IGFBP2: variants seen among roughly 807,000 people sequenced by gnomAD.
IGFBP2 encodes insulin like growth factor binding protein 2, also known as insulin-like growth factor-binding protein 2.
In IGFBP2, 12 loss-of-function variants were observed where a neutral mutation model predicts 26.2. The ratio of observed to expected loss-of-function variants is 0.46; its 90% CI spans 0.29 to 0.74. The LOEUF (loss-of-function observed/expected upper bound fraction) is 0.74, where lower values mean the gene tolerates loss of function less well. IGFBP2 is among the 30% of genes least tolerant of loss of function. IGFBP2 has a pLI of 0.09. For missense variants in IGFBP2, 328 were observed against 441.2 expected, an observed-to-expected ratio of 0.74 and a Z score of 2.30; for synonymous variants, 189 against 200.6, an observed-to-expected ratio of 0.94 and a Z score of 0.49.
At chr2:216,659,832 C>G in intron 1 of IGFBP2, 1 of 1,070,058 alleles carries the variant, frequency 9.3e-7, no homozygotes, top group Non-Finnish European at 1.4e-6. Context: ...GCTGCACAGA[C>G]AGACTTGGGA....
intron 1 of IGFBP2, among the ~76,000 whole-genome samples, chr2:216,638,176 A>G (rs2106188374): frequency 6.7e-6 from 1 of 148,376 alleles, no homozygotes; most frequent in East Asian, 2.1e-4. Context: ...CAACAGAGCA[A>G]AAAAACTCCG....
chr2:216,664,048 C>T lies in IGFBP2; in HGVS notation c.922C>T (p.Leu308Phe), dbSNP rs1394688213. ...CATCCGGGGGGACCCCGAGTGTCAT[C>T]TCTTCTACAATGAGCAGCAGGAGGC... ...PTIRGDPECH[L>F]FYNEQQEARG... Residue 308 changes from leucine to phenylalanine, a missense_variant, in exon 4 of 4, where the codon CTC becomes TTC. Coordinates refer to ENST00000233809, the MANE Select transcript of IGFBP2 (RefSeq NM_000597.3). This position sits in a 1 kb window ranked among gnomAD's most constrained non-coding sequence, Gnocchi z 4.6. 3.1e-6 allele frequency: 5 copies of T among 1,613,948 alleles called. No individual in the cohort carries two copies. Among genetic ancestry groups the T allele is most frequent in the Non-Finnish European group, 4.2e-6 (5 of 1,179,992 alleles).
chr2:216,659,609 C>A, intron 1 of IGFBP2: 2 of 856,438 alleles, frequency 2.3e-6, no homozygotes, highest in Non-Finnish European at 3.8e-6. Flanking sequence ...CGTGCCTCAG[C>A]CAGAGTGAGA....
At chr2:216,651,740 AG>A (rs1354953370) in intron 1 of IGFBP2, among the ~76,000 whole-genome samples, 1 of 152,188 alleles carries the variant, frequency 6.6e-6, no homozygotes, top group Non-Finnish European at 1.5e-5. Context: ...TACCCATTCA[AG>A]AAATTGATTG....
rs1343425351 is a variant in IGFBP2, at chr2:216,641,666, G to A, written c.442+7701G>A. Among the ~76,000 whole-genome samples the A allele has an allele frequency of 3.3e-5, 5 of 151,486 alleles. No individual in the cohort carries two copies. The East Asian group carries it at 7.7e-4, about 23-fold the overall frequency. Reference sequence around the variant, plus strand: ...TGCATTATAAATGCAGTGCATAAACGGTTGGAGACCATCGGGCTTGCATTT... The same window carrying A: ...TGCATTATAAATGCAGTGCATAAACAGTTGGAGACCATCGGGCTTGCATTT... On this transcript the variant is annotated intron_variant, in intron 1 of 3. Coordinates refer to ENST00000233809, the MANE Select transcript of IGFBP2 (RefSeq NM_000597.3).
At chr2:216,657,743 G>C (rs1045873140) in intron 1 of IGFBP2, among the ~76,000 whole-genome samples, 4 of 152,190 alleles carry the variant, frequency 2.6e-5, no homozygotes, top group Admixed American at 1.3e-4. Context: ...ACGCTAAATC[G>C]GCCTTTTCCT....
intron 1 of IGFBP2, among the ~76,000 whole-genome samples, chr2:216,643,752 C>A (rs915275485): frequency 6.6e-6 from 1 of 152,132 alleles, no homozygotes; most frequent in East Asian, 1.9e-4. Flanking sequence ...CTCTCCTGGG[C>A]TGCAGGTTGG....
chr2:216,655,395 T>C (rs1697900605), intron 1 of IGFBP2, among the ~76,000 whole-genome samples: 1 of 152,058 alleles, frequency 6.6e-6, no homozygotes, highest in African/African-American at 2.4e-5. Flanking sequence ...TCTCCTGAGA[T>C]CTGATGGTTT....
intron 1 of IGFBP2, chr2:216,659,711 T>C (rs1697995332): frequency 6.5e-7 from 1 of 1,535,536 alleles, no homozygotes. Flanking sequence ...TAATGGACGC[T>C]TGTTGGACAG....
In IGFBP2 at chr2:216,663,927, C is replaced by A; in HGVS notation, c.814-13C>A. On this transcript the variant is annotated splice_polypyrimidine_tract_variant and intron_variant, in intron 3 of 3. Coordinates refer to ENST00000233809, the MANE Select transcript of IGFBP2 (RefSeq NM_000597.3). The stretch of plus-strand genomic sequence containing the variant: ...GCTGCGGGCTCCTCCATGCTCTTCT[C>A]CTCTCTCCCCAGTGCAAGATGTCTC... The A allele has an allele frequency of 6.2e-7, 1 of 1,612,178 alleles. No individual in the cohort carries two copies. The highest frequency in any genetic ancestry group is 2.2e-5 in the East Asian group (1 of 44,840).
In IGFBP2 at chr2:216,636,099, G is replaced by A. The variant is rs989719024; in HGVS notation, c.442+2134G>A. ...GGGTGCAGGAGAAAAAGGGGTCAAG[G>A]TTGGAGGCTTTTGTGTGGGAGAGGG... On this transcript the variant is annotated intron_variant, in intron 1 of 3. Coordinates refer to ENST00000233809, the MANE Select transcript of IGFBP2 (RefSeq NM_000597.3). 5.3e-5 allele frequency among the ~76,000 whole-genome samples: 8 copies of A among 152,258 alleles called. No individual in the cohort carries two copies. The South Asian group carries it at 1.0e-3, about 20-fold the overall frequency.
At chr2:216,653,486 A>C (rs1443710752) in intron 1 of IGFBP2, among the ~76,000 whole-genome samples, 1 of 152,236 alleles carries the variant, frequency 6.6e-6, no homozygotes, top group Non-Finnish European at 1.5e-5. Flanking sequence ...TGGCTAAATT[A>C]GTAAGGGTGG....
intron 1 of IGFBP2, among the ~76,000 whole-genome samples, chr2:216,650,823 A>G (rs1465320145): frequency 6.6e-6 from 1 of 152,240 alleles, no homozygotes; most frequent in Non-Finnish European, 1.5e-5. Flanking sequence ...AACCATGCTC[A>G]GAAGTGACTG....
rs1688623936 is a variant in IGFBP2, at chr2:216,660,796, G to A, written c.672+10G>A. 6.4e-7 allele frequency: 1 copy of A among 1,560,426 alleles called. No homozygotes were observed. ...ACCACCCCCTGCCAGGGTCAGTGAG[G>A]GTCAGGTCTGGTGGAAGGGGTGGGA... is the stretch of plus-strand genomic sequence containing the variant. On this transcript the variant is annotated intron_variant, in intron 2 of 3. Coordinates refer to ENST00000233809, the MANE Select transcript of IGFBP2 (RefSeq NM_000597.3).
chr2:216,655,853 C>G lies in IGFBP2; in HGVS notation c.443-4704C>G, dbSNP rs547630211. 9.2e-5 allele frequency among the ~76,000 whole-genome samples: 14 copies of G among 151,682 alleles called. 1 individual carries two copies. The highest frequency in any genetic ancestry group is 3.1e-4 in the African/African-American group (13 of 41,344). On this transcript the variant is annotated intron_variant, in intron 1 of 3. Coordinates refer to ENST00000233809, the MANE Select transcript of IGFBP2 (RefSeq NM_000597.3). The stretch of plus-strand genomic sequence containing the variant: ...GAGGTTGCAGTGAGCCAAGATCGTG[C>G]CACTGTACTCCAGCCTGGGTGACAG...
chr2:216,637,166 G>A (rs963069758), intron 1 of IGFBP2, among the ~76,000 whole-genome samples: 2 of 152,194 alleles, frequency 1.3e-5, no homozygotes, highest in Admixed American at 1.3e-4. Context: ...GGGATCTACT[G>A]TCACTGATTG....
intron 1 of IGFBP2, among the ~76,000 whole-genome samples, chr2:216,640,404 T>C (rs1468311136): frequency 1.3e-5 from 2 of 152,194 alleles, no homozygotes; most frequent in Non-Finnish European, 2.9e-5. Context: ...GATGTTTGAA[T>C]TCATGAGGGA....
intron 1 of IGFBP2, among the ~76,000 whole-genome samples, chr2:216,637,175 T>C (rs550493267): frequency 5.7e-4 from 87 of 152,302 alleles, no homozygotes; most frequent in African/African-American, 2.0e-3. Context: ...TGTCACTGAT[T>C]GTTAACACCA....
intron 1 of IGFBP2, among the ~76,000 whole-genome samples, chr2:216,642,857 C>T (rs958539112): frequency 4.6e-5 from 7 of 152,164 alleles, no homozygotes; most frequent in Admixed American, 1.3e-4. Context: ...GAAGACCTAG[C>T]CTTCTGGCTG....
Sources: allele counts gnomAD v4.1 joint callset (sites outside exome capture counted in the v4.1 genomes callset), GRCh38; gene constraint gnomAD v4.1.1; non-coding constraint Gnocchi (gnomAD v3.1); transcripts MANE v1.5; gene names NCBI Gene and HGNC (gene_info 2026-07-23, HGNC 2026-07-21).